The following VPS50 variants were observed in gnomAD, a reference collection of about 807,000 sequenced individuals.
VPS50 encodes the protein VPS50 subunit of EARP/GARPII complex.
Under a neutral mutation model 139.7 loss-of-function variants are expected in VPS50, and 70 were observed. The observed-to-expected ratio is 0.50, with a 90% CI of 0.41 to 0.61. The LOEUF (loss-of-function observed/expected upper bound fraction) is 0.61. Among genes scored for constraint, VPS50 ranks in the 20% least tolerant of loss-of-function variants. The probability of loss-of-function intolerance (pLI) is 0.00; values close to 1 mark genes in which losing one functional copy is unlikely to be tolerated. For missense variants in VPS50, 921 were observed against 1,133.7 expected (o/e 0.81, Z 2.69); for synonymous variants, 365 against 376.7 (o/e 0.97, Z 0.36).
chr7:93,233,370 A>G (rs534616444), intron 1 of VPS50, among the ~76,000 whole-genome samples: 1 of 152,336 alleles, frequency 6.6e-6, no homozygotes, highest in East Asian at 1.9e-4. Context: ...TTAAATCAAC[A>G]TGGCTTTTAG....
At chr7:93,252,389 A>C (rs1795362159) in intron 2 of VPS50, among the ~76,000 whole-genome samples, 1 of 152,144 alleles carries the variant, frequency 6.6e-6, no homozygotes, top group African/African-American at 2.4e-5. Context: ...TGGACATTAA[A>C]ATTTTTATCA....
At chr7:93,300,381 C>A (rs1796943116) in intron 16 of VPS50, among the ~76,000 whole-genome samples, 1 of 151,928 alleles carries the variant, frequency 6.6e-6, no homozygotes, top group East Asian at 1.9e-4. Context: ...CAAAACATAA[C>A]AAGAGGACAT....
At chr7:93,333,414 T>C (rs771272693) in intron 21 of VPS50, among the ~76,000 whole-genome samples, 31 of 152,200 alleles carry the variant, frequency 2.0e-4, no homozygotes, top group Non-Finnish European at 4.1e-4. Flanking sequence ...TGTTTTAAAT[T>C]TATTGGCTCA....
chr7:93,326,693 AAATT>A (rs1253485609), intron 21 of VPS50, among the ~76,000 whole-genome samples: 2 of 152,004 alleles, frequency 1.3e-5, no homozygotes, highest in Non-Finnish European at 2.9e-5. Context: ...TGATACTTTA[AAATT>A]AATTATGTGG....
chr7:93,296,819 T>C lies in VPS50; in HGVS notation c.1245T>C (p.Val415=). ...TCAAATATGATGATTTCATCTTTGT[T>C]TTGGATATAATCAGCAGGTAGTATT... ...SIFKYDDFIF[V]LDIISRLMQV... Residue 415 remains valine (V), a synonymous_variant, in exon 15 of 28, where the codon GTT becomes GTC. Coordinates refer to ENST00000305866, the MANE Select transcript of VPS50 (RefSeq NM_017667.4). 1 of 1,602,594 alleles carries C rather than the reference T, an allele frequency of 6.2e-7. No individual in the cohort carries two copies. The highest frequency in any genetic ancestry group is 2.2e-5 in the East Asian group (1 of 44,576).
chr7:93,314,142 T>C (rs1208542613), intron 20 of VPS50, among the ~76,000 whole-genome samples: 1 of 152,236 alleles, frequency 6.6e-6, no homozygotes, highest in East Asian at 1.9e-4. Context: ...GATTATAAAC[T>C]GGCAGAGGTC....
chr7:93,331,137 A>T (rs1292430744), intron 21 of VPS50, among the ~76,000 whole-genome samples: 2 of 152,050 alleles, frequency 1.3e-5, no homozygotes, highest in Non-Finnish European at 2.9e-5. Context: ...AATGAGATAC[A>T]CCATGTGCAT....
At chr7:93,333,579 A>T (rs566207196) in intron 21 of VPS50, among the ~76,000 whole-genome samples, 1 of 152,144 alleles carries the variant, frequency 6.6e-6, no homozygotes, top group African/African-American at 2.4e-5. Flanking sequence ...TCTTGTGTGA[A>T]GGTTTTTATA....
intron 9 of VPS50, among the ~76,000 whole-genome samples, chr7:93,268,161 G>A (rs1242655262): frequency 6.6e-6 from 1 of 152,118 alleles, no homozygotes; most frequent in African/African-American, 2.4e-5. Context: ...AAATCATATA[G>A]AATATTGACC....
At chr7:93,350,115 A>C (rs370037723) in intron 25 of VPS50, 82 bp downstream of exon 25, 1 of 901,868 alleles carries the variant, frequency 1.1e-6, no homozygotes, top group Non-Finnish European at 1.7e-6. Flanking sequence ...CTAAAATAGT[A>C]AGATTATAGT....
At chr7:93,331,709 T>C (rs1049554722) in intron 21 of VPS50, among the ~76,000 whole-genome samples, 2 of 152,142 alleles carry the variant, frequency 1.3e-5, no homozygotes, top group African/African-American at 4.8e-5. Context: ...ACAAAAAGCA[T>C]GAAGCATAAA....
Position 93,252,740 on chromosome 7 carries a change from G to A in VPS50, c.190G>A (p.Val64Met). ...TAGTATTGAACAAGTATATTTTTCT[G>A]TGGATTCATTTGATATTGTTAAATA... Reference protein sequence around the residue: ...INSIEQVYFSVDSFDIVKYEL... With the variant: ...INSIEQVYFSMDSFDIVKYEL... The change falls in exon 3 of 28, where the codon GTG (valine) becomes ATG (methionine). Residue 64 changes from valine to methionine, a missense_variant. Physicochemically the swap from Val to Met is conservative, Grantham distance 21. Coordinates refer to ENST00000305866, the MANE Select transcript of VPS50 (RefSeq NM_017667.4). The A allele has an allele frequency of 1.9e-6, 3 of 1,587,924 alleles. No individual in the cohort carries two copies. Among genetic ancestry groups the A allele is most frequent in the Non-Finnish European group, 2.6e-6 (3 of 1,160,696 alleles).
At chr7:93,237,751 T>C (rs909816595) in intron 1 of VPS50, among the ~76,000 whole-genome samples, 5 of 152,182 alleles carry the variant, frequency 3.3e-5, no homozygotes, top group African/African-American at 1.2e-4. Context: ...TTTAAAAATT[T>C]TTTTTATTTT....
chr7:93,286,558 A>G (rs1796492147), intron 12 of VPS50, among the ~76,000 whole-genome samples: 1 of 152,170 alleles, frequency 6.6e-6, no homozygotes, highest in Admixed American at 6.5e-5. Context: ...GCCAGCTGGA[A>G]TCCAGGGATT....
intron 12 of VPS50, among the ~76,000 whole-genome samples, chr7:93,280,377 G>A (rs10249649): frequency 0.22 from 33,602 of 151,748 alleles, 4,115 homozygotes; most frequent in African/African-American, 0.33. Context: ...CAAATAAATC[G>A]CTAAAACTTA....
Position 93,350,053 on chromosome 7 carries a change from C to CTATTAAAGGCAAGTT in VPS50, c.2463+20_2463+21insTATTAAAGGCAAGTT, listed in dbSNP as rs754282482. 6.3e-7 allele frequency: 1 copy of CTATTAAAGGCAAGTT among 1,588,330 alleles called. No individual in the cohort carries two copies. The highest frequency in any genetic ancestry group is 8.6e-7 in the Non-Finnish European group (1 of 1,160,534). Reference sequence around the variant, plus strand: ...TTAAAGGCAAGTGTTCTGGGAAGCACCTGTGCTAAAGATCAATCTACTAAG... The same window carrying CTATTAAAGGCAAGTT: ...TTAAAGGCAAGTGTTCTGGGAAGCACTATTAAAGGCAAGTTCTGTGCTAAAGATCAATCTACTAAG... On this transcript the variant is annotated intron_variant, in intron 25 of 27. Coordinates refer to ENST00000305866, the MANE Select transcript of VPS50 (RefSeq NM_017667.4).
chr7:93,342,798 A>G (rs972274897), intron 23 of VPS50, among the ~76,000 whole-genome samples: 1 of 152,214 alleles, frequency 6.6e-6, no homozygotes, highest in Admixed American at 6.5e-5. Flanking sequence ...AAACTAACAA[A>G]CAGAAAGGAC....
At chr7:93,314,117 A>G (rs1376379631) in intron 20 of VPS50, among the ~76,000 whole-genome samples, 1 of 152,204 alleles carries the variant, frequency 6.6e-6, no homozygotes, top group East Asian at 1.9e-4. Context: ...TTGTTATTGC[A>G]TAGAAGTGCC....
intron 4 of VPS50, 82 bp downstream of exon 4, chr7:93,254,013 G>T: frequency 1.6e-6 from 1 of 633,682 alleles, no homozygotes; most frequent in African/African-American, 1.9e-5. Flanking sequence ...GCAGATTTAT[G>T]GTTTTAACTA....
Sources: gnomAD v4.1 joint callset for allele counts (sites outside exome capture counted in the v4.1 genomes callset) on GRCh38, gnomAD v4.1.1 for gene constraint, MANE v1.5 for transcripts, NCBI Gene and HGNC (gene_info 2026-07-23, HGNC 2026-07-21) for gene names.